RBFOX1: variants seen among roughly 807,000 people sequenced by gnomAD.
RBFOX1 encodes RNA binding fox-1 homolog 1.
Under a neutral mutation model 57.7 loss-of-function variants are expected in RBFOX1, and 8 were observed. That is an observed-to-expected ratio of 0.14 (90% confidence interval 0.08 to 0.25). RBFOX1 has a LOEUF of 0.25. RBFOX1 is among the 10% of genes least tolerant of loss of function. The pLI is 1.00. For missense variants in RBFOX1, 611 were observed against 548.5 expected, an observed-to-expected ratio of 1.11 and a Z score of -1.14; for synonymous variants, 326 against 222.4, an observed-to-expected ratio of 1.47 and a Z score of -4.15.
Position 6,643,576 on chromosome 16 carries a change from A to G in RBFOX1, c.-63-11027A>G, listed in dbSNP as rs375521536. 2.0e-4 allele frequency among the ~76,000 whole-genome samples: 31 copies of G among 152,320 alleles called. 1 individual carries two copies. The East Asian group carries it at 4.6e-3, about 23-fold the overall frequency. On this transcript the variant is annotated intron_variant, in intron 2 of 15. Transcript: ENST00000550418. ...CAGAACACCCTCGTTATCTTTAATA[A>G]AGCAATTAACTTTAGAACATTGGTT...
At chr16:6,502,248 A>G (rs925092991) in intron 2 of RBFOX1, among the ~76,000 whole-genome samples, 2 of 152,126 alleles carry the variant, frequency 1.3e-5, no homozygotes, top group African/African-American at 4.8e-5. Flanking sequence ...TAGATCGGCT[A>G]CAATAGTAGT....
chr16:6,321,536 G>A (rs1327987424), intron 2 of RBFOX1, among the ~76,000 whole-genome samples: 2 of 152,180 alleles, frequency 1.3e-5, no homozygotes, highest in Non-Finnish European at 2.9e-5. Flanking sequence ...TCTGCACAAT[G>A]CCACAGCATT....
chr16:7,296,862 A>G (rs549953688), intron 4 of RBFOX1, among the ~76,000 whole-genome samples: 1 of 152,200 alleles, frequency 6.6e-6, no homozygotes, highest in Admixed American at 6.5e-5. Flanking sequence ...AGGAGTTAAG[A>G]GCCTAGCTTT....
rs551702046 is a variant in RBFOX1 at position 7,463,511 on chromosome 16, C to CA, written c.28-54629dup. ...AGAGTGAGACTTGGTCTCAAAAAAA[C>CA]AAAAAAAGGTACAAATCCCCATCAA... On this transcript the variant is annotated intron_variant, in intron 4 of 15. Transcript: ENST00000550418. Among the ~76,000 whole-genome samples, 1,001 of 151,784 alleles carry CA rather than the reference C, an allele frequency of 6.6e-3. 8 individuals are homozygous for CA. The highest frequency in any genetic ancestry group is 0.022 in the African/African-American group (926 of 41,424).
At chr16:6,230,007 G>T (rs1598590297) in intron 1 of RBFOX1, among the ~76,000 whole-genome samples, 1 of 151,986 alleles carries the variant, frequency 6.6e-6, no homozygotes, top group Non-Finnish European at 1.5e-5. Flanking sequence ...GTTATCTAGG[G>T]TGTACTTGAC....
chr16:7,360,797 C>A (rs1341448724), intron 4 of RBFOX1, among the ~76,000 whole-genome samples: 1 of 152,196 alleles, frequency 6.6e-6, no homozygotes, highest in Admixed American at 6.5e-5. Context: ...CTTTGCCTTT[C>A]TTCACACAGT....
At chr16:7,151,052 C>A (rs1479592832) in intron 4 of RBFOX1, among the ~76,000 whole-genome samples, 1 of 152,174 alleles carries the variant, frequency 6.6e-6, no homozygotes, top group African/African-American at 2.4e-5. Flanking sequence ...CACAGAAGTT[C>A]TCTCCCTCAA....
rs1049645689 is a variant in RBFOX1, at chr16:7,199,897, A to AAAAC, written c.27+147802_27+147803insCAAA. Among the ~76,000 whole-genome samples, 7 of 149,490 alleles carry AAAAC rather than the reference A, an allele frequency of 4.7e-5. No individual in the cohort carries two copies. The East Asian group carries it at 1.2e-3, about 25-fold the overall frequency. On this transcript the variant is annotated intron_variant, in intron 4 of 15. Coordinates refer to ENST00000550418, the MANE Select transcript of RBFOX1 (RefSeq NM_018723.4). ...GCAACAGAGCAAGACTCTATCTCAA[A>AAAAC]AAAACAAAACAAAACAACAACAACA...
At chr16:7,540,752 C>T (rs1268048051) in intron 5 of RBFOX1, among the ~76,000 whole-genome samples, 5 of 152,124 alleles carry the variant, frequency 3.3e-5, no homozygotes, top group Admixed American at 6.5e-5. Context: ...GATTCTTCAC[C>T]GAAGGGAGTT....
At chr16:6,934,359 A>G (rs1480773569) in intron 3 of RBFOX1, among the ~76,000 whole-genome samples, 1 of 152,192 alleles carries the variant, frequency 6.6e-6, no homozygotes, top group Admixed American at 6.5e-5. Context: ...TGTAATAAAT[A>G]TGTGAGTATT....
rs139152065 is a variant in RBFOX1, at chr16:6,074,275, C to T, written c.-127+54283C>T. On this transcript the variant is annotated intron_variant, in intron 1 of 15. Transcript: ENST00000550418. ...CAAGCTTCTTTCTCTCTCCCCCTCT[C>T]TGTTTCTTGCACAGCTGTACAGACT... Among the ~76,000 whole-genome samples the T allele has an allele frequency of 6.7e-3, 1,013 of 152,264 alleles. 9 individuals carry two copies. The highest frequency in any genetic ancestry group is 0.027 in the Middle Eastern group (8 of 294).
At chr16:7,203,244 C>G (rs2089099710) in intron 4 of RBFOX1, among the ~76,000 whole-genome samples, 1 of 152,176 alleles carries the variant, frequency 6.6e-6, no homozygotes, top group African/African-American at 2.4e-5. Context: ...GCATGCTTCA[C>G]AAATGAGCCC....
At chr16:6,238,048 G>A (rs1598678755) in intron 1 of RBFOX1, among the ~76,000 whole-genome samples, 2 of 139,696 alleles carry the variant, frequency 1.4e-5, no homozygotes, top group Non-Finnish European at 3.0e-5. Flanking sequence ...CTGAAATCGC[G>A]CCACTGTACT....
intron 1 of RBFOX1, among the ~76,000 whole-genome samples, chr16:6,225,998 A>T (rs1188175377): frequency 1.3e-5 from 2 of 152,120 alleles, no homozygotes; most frequent in East Asian, 3.9e-4. Flanking sequence ...TAACAATTCT[A>T]AGGATGTTAA....
chr16:6,974,871 GTTTC>G (rs2086459977), intron 3 of RBFOX1, among the ~76,000 whole-genome samples: 2 of 152,070 alleles, frequency 1.3e-5, no homozygotes, highest in Non-Finnish European at 2.9e-5. Flanking sequence ...CCTGGAAGGT[GTTTC>G]TTTCTGCAAA....
At position 5,905,105 on chromosome 16, in the gene RBFOX1, T is replaced by C. The variant is rs368325867; in HGVS notation, c.351+37770T>C. Among the ~76,000 whole-genome samples, 10 of 142,780 alleles carry C rather than the reference T, an allele frequency of 7.0e-5. No individual in the cohort carries two copies. The South Asian group carries it at 2.5e-3, about 36-fold the overall frequency. 93.7% of individuals were successfully genotyped at this position (142,780 alleles called of 152,430 possible). A position where few individuals can be genotyped will look rare whatever the true frequency, so the allele number is the denominator to read the frequency against. ...TTTTTGAGACAGAGTTTTGCTCTTG[T>C]TGCCCAGGCTGGAGTGCAATGGTAC... is the stretch of plus-strand genomic sequence containing the variant. On this transcript the variant is annotated intron_variant, in intron 4 of 19. Coordinates refer to the RBFOX1 transcript ENST00000641259.
intron 3 of RBFOX1, among the ~76,000 whole-genome samples, chr16:6,990,942 C>T (rs958385345): frequency 6.6e-6 from 1 of 152,002 alleles, no homozygotes; most frequent in South Asian, 2.1e-4. Flanking sequence ...TGAGAACCAC[C>T]ACATTGTTCA....
intron 12 of RBFOX1, among the ~76,000 whole-genome samples, chr16:7,664,373 G>A (rs185433064): frequency 4.4e-4 from 67 of 152,170 alleles, no homozygotes; most frequent in African/African-American, 1.5e-3. Context: ...TAATGCACGT[G>A]CAATTACCAA....
intron 2 of RBFOX1, among the ~76,000 whole-genome samples, chr16:6,650,905 G>T (rs1222660520): frequency 6.6e-6 from 1 of 152,022 alleles, no homozygotes; most frequent in Admixed American, 6.6e-5. Context: ...TTAATTGATT[G>T]GTTGGTTGTT....
Sources: gnomAD v4.1 joint callset for allele counts (sites outside exome capture counted in the v4.1 genomes callset) on GRCh38, gnomAD v4.1.1 for gene constraint, MANE v1.5 for transcripts, NCBI Gene and HGNC (gene_info 2026-07-23, HGNC 2026-07-21) for gene names.